SMARCAD1: variants seen among roughly 807,000 people sequenced by gnomAD.
The protein encoded by SMARCAD1 is SWI/SNF-related matrix-associated actin-dependent regulator of chromatin subfamily A containing DEAD/H box 1.
A neutral mutation model predicts 127.1 loss-of-function variants in SMARCAD1; 25 were observed. The observed-to-expected ratio is 0.20, with a 90% CI of 0.14 to 0.27. The LOEUF (loss-of-function observed/expected upper bound fraction) is 0.27, where lower values mean the gene tolerates loss of function less well. Among genes scored for constraint, SMARCAD1 ranks in the 10% least tolerant of loss-of-function variants. The pLI, the probability that SMARCAD1 is intolerant of heterozygous loss-of-function variation, is 1.00. For synonymous variants in SMARCAD1, 400 were observed against 396.9 expected, an observed-to-expected ratio of 1.01 and a Z score of -0.09; for missense variants, 807 against 1,206.0, an observed-to-expected ratio of 0.67 and a Z score of 4.90.
In SMARCAD1 at chr4:94,214,483, G is replaced by T. The variant is rs372657831; in HGVS notation, c.190+5899G>T. On this transcript the variant is annotated intron_variant, in intron 2 of 23. Transcript: ENST00000354268. Reference sequence around the variant, plus strand: ...CCGGTTTCACCGTATTAGCCAGGATGGTCTCAATCTCCTGACTTGAGATCT... The same window carrying T: ...CCGGTTTCACCGTATTAGCCAGGATTGTCTCAATCTCCTGACTTGAGATCT... 4.0e-5 allele frequency among the ~76,000 whole-genome samples: 6 copies of T among 151,718 alleles called. No homozygotes were observed. The South Asian group carries it at 6.3e-4, about 16-fold the overall frequency.
intron 23 of SMARCAD1, among the ~76,000 whole-genome samples, chr4:94,286,566 A>G (rs1314945743): frequency 6.6e-6 from 1 of 151,954 alleles, no homozygotes; most frequent in Non-Finnish European, 1.5e-5. Context: ...TTTCTTTCAA[A>G]AGTTGTAGAC....
chr4:94,244,351 A>G (rs1466602823), intron 6 of SMARCAD1, among the ~76,000 whole-genome samples: 1 of 152,232 alleles, frequency 6.6e-6, no homozygotes, highest in Non-Finnish European at 1.5e-5. Context: ...AGACATAACT[A>G]TTAGTGTAGA....
intron 23 of SMARCAD1, 29 bp from the exon 24 acceptor site, chr4:94,289,444 A>C: frequency 6.3e-7 from 1 of 1,586,370 alleles, no homozygotes; most frequent in Non-Finnish European, 8.6e-7. Flanking sequence ...ATTTTTATAA[A>C]GCTTTTAATG....
intron 9 of SMARCAD1, among the ~76,000 whole-genome samples, chr4:94,261,519 T>A (rs1750976981): frequency 6.6e-6 from 1 of 152,230 alleles, no homozygotes; most frequent in African/African-American, 2.4e-5. Flanking sequence ...AGTTACGTAT[T>A]TAATTACTCA....
chr4:94,242,383 A>G (rs761056417), intron 6 of SMARCAD1, among the ~76,000 whole-genome samples: 6 of 151,996 alleles, frequency 3.9e-5, no homozygotes, highest in South Asian at 4.1e-4. Flanking sequence ...ATGTTCAGCA[A>G]TGTACCTCTT....
intron 9 of SMARCAD1, among the ~76,000 whole-genome samples, chr4:94,261,989 T>C (rs1443751115): frequency 2.6e-5 from 4 of 152,202 alleles, no homozygotes; most frequent in Non-Finnish European, 5.9e-5. Flanking sequence ...TGATACCACA[T>C]CCTACATTTC....
intron 3 of SMARCAD1, among the ~76,000 whole-genome samples, chr4:94,229,741 C>G (rs1745541617): frequency 6.6e-6 from 1 of 151,240 alleles, no homozygotes; most frequent in Non-Finnish European, 1.5e-5. Flanking sequence ...CTAGGAAATA[C>G]TCGGGTGTAG....
At chr4:94,261,130 CTTT>C (rs1214936953) in intron 9 of SMARCAD1, among the ~76,000 whole-genome samples, 1 of 150,270 alleles carries the variant, frequency 6.7e-6, no homozygotes, top group Non-Finnish European at 1.5e-5. Context: ...GTACTATATT[CTTT>C]TTTAAGTGAA....
At chr4:94,233,552 T>C (rs535572332) in intron 3 of SMARCAD1, among the ~76,000 whole-genome samples, 1 of 152,322 alleles carries the variant, frequency 6.6e-6, no homozygotes, top group African/African-American at 2.4e-5. Flanking sequence ...GCCTGAAAAT[T>C]ACTTTATCTT....
chr4:94,228,080 C>G (rs766190695), intron 3 of SMARCAD1, among the ~76,000 whole-genome samples: 6 of 152,088 alleles, frequency 3.9e-5, no homozygotes, highest in Non-Finnish European at 1.5e-5. Context: ...AGCAAGAGAT[C>G]GGACTGTCTA....
chr4:94,233,740 G>T (rs918165690), intron 3 of SMARCAD1, among the ~76,000 whole-genome samples: 2 of 152,070 alleles, frequency 1.3e-5, no homozygotes, highest in Non-Finnish European at 2.9e-5. Context: ...TCAGGGTTGA[G>T]ATTTTTTCAG....
chr4:94,231,777 C>A (rs1395172473), intron 3 of SMARCAD1, among the ~76,000 whole-genome samples: 1 of 151,924 alleles, frequency 6.6e-6, no homozygotes, highest in African/African-American at 2.4e-5. Flanking sequence ...TAGGCTTCAA[C>A]TGTGTTAATC....
chr4:94,273,678 A>G lies in SMARCAD1; in HGVS notation c.1634A>G (p.Asn545Ser). 6.2e-7 allele frequency: 1 copy of G among 1,613,902 alleles called. No individual in the cohort carries two copies. Among genetic ancestry groups the G allele is most frequent in the Non-Finnish European group, 8.5e-7 (1 of 1,179,908 alleles). Residue 545 changes from asparagine to serine, a missense_variant, in exon 12 of 24, where the codon AAT becomes AGT. Physicochemically the swap from Asn to Ser is conservative, Grantham distance 46 (BLOSUM62 1). Coordinates refer to ENST00000354268, the MANE Select transcript of SMARCAD1 (RefSeq NM_020159.5). ...FLAYLYQEGN[N>S]GPHLIVVPAS... is the part of the protein sequence containing the mutation. ...GCATACCTCTATCAGGAGGGTAATA[A>G]TGGTCCTCATTTGATCGTTGTTCCA...
intron 6 of SMARCAD1, among the ~76,000 whole-genome samples, chr4:94,245,280 A>C (rs1457569859): frequency 6.6e-6 from 1 of 152,244 alleles, no homozygotes; most frequent in Non-Finnish European, 1.5e-5. Context: ...GTATGGATGC[A>C]GAAGATGTCG....
rs1579338099 is a variant in SMARCAD1 at position 94,278,950 on chromosome 4, A to G, written c.2318A>G (p.Asn773Ser). The G allele has an allele frequency of 6.2e-7, 1 of 1,614,064 alleles. No individual in the cohort carries two copies. The highest frequency in any genetic ancestry group is 8.5e-7 in the Non-Finnish European group (1 of 1,179,980). The part of the protein sequence containing the change: ...NNLEKNTEMC[N>S]VMMQLRKMAN... ...ACAGAAAAAAACACAGAAATGTGCA[A>G]TGTCATGATGCAGTTGAGGAAAATG... Residue 773 changes from asparagine (N) to serine (S), a missense_variant, in exon 19 of 24, where the codon AAT (asparagine) becomes AGT (serine). Physicochemically the swap from Asn to Ser is conservative, Grantham distance 46. This residue lies in a region of SMARCAD1 where 99 missense variants were observed against 126.0 expected (regional missense o/e 0.79). Transcript: ENST00000354268.
intron 5 of SMARCAD1, among the ~76,000 whole-genome samples, chr4:94,237,775 T>A (rs1746917762): frequency 6.6e-6 from 1 of 152,134 alleles, no homozygotes; most frequent in South Asian, 2.1e-4. Context: ...TTTAACTGTT[T>A]CCCTATTAGC....
In SMARCAD1 at chr4:94,276,362, C is replaced by G. The variant is rs757499753; in HGVS notation, c.1832C>G (p.Ser611Cys). The G allele has an allele frequency of 3.7e-6, 6 of 1,614,148 alleles. No individual in the cohort carries two copies. The highest frequency in any genetic ancestry group is 5.1e-6 in the Non-Finnish European group (6 of 1,180,018). ...AGATATAACTGTGCGATCAGCAGTT[C>G]TGATGACCGTAGTCTGTTTCGACGG... Reference protein sequence around the residue: ...VTTYNCAISSSDDRSLFRRLK... With the variant: ...VTTYNCAISSCDDRSLFRRLK... The change falls in exon 15 of 24, where the codon TCT becomes TGT. Residue 611 changes from serine to cysteine, a missense_variant. Coordinates refer to ENST00000354268, the MANE Select transcript of SMARCAD1 (RefSeq NM_020159.5).
At chr4:94,234,248 C>G in intron 4 of SMARCAD1, 126 bp downstream of exon 4, 1 of 864,802 alleles carries the variant, frequency 1.2e-6, no homozygotes. Context: ...ACTATTAAAT[C>G]TAAAGGAAGT....
intron 9 of SMARCAD1, among the ~76,000 whole-genome samples, chr4:94,257,220 A>AT (rs1272785845): frequency 5.9e-5 from 9 of 152,174 alleles, no homozygotes; most frequent in Non-Finnish European, 1.0e-4. Flanking sequence ...AAGATTTATC[A>AT]TTTTTTGAGA....
Sources: gnomAD v4.1 joint callset for allele counts (sites outside exome capture counted in the v4.1 genomes callset) on GRCh38, gnomAD v4.1.1 for gene constraint, gnomAD v4.1.1 regional missense constraint, MANE v1.5 for transcripts, NCBI Gene and HGNC (gene_info 2026-07-23, HGNC 2026-07-21) for gene names.